The following MMP16 variants were observed in gnomAD, a reference collection of about 807,000 sequenced individuals.
The protein encoded by MMP16 is matrix metalloproteinase-16.
Under a neutral mutation model 67.8 loss-of-function variants are expected in MMP16, and 12 were observed. The observed-to-expected ratio is 0.18, with a 90% confidence interval of 0.11 to 0.29. MMP16 has a LOEUF of 0.29. Ranked by LOEUF, MMP16 falls within the 10% of genes least tolerant of loss-of-function variation. The pLI is 1.00. For missense variants in MMP16, 475 were observed against 765.7 expected, an observed-to-expected ratio of 0.62 and a Z score of 4.48; for synonymous variants, 249 against 255.9, an observed-to-expected ratio of 0.97 and a Z score of 0.26.
intron 1 of MMP16, 95 bp downstream of exon 1, chr8:88,326,979 AG>A: frequency 1.3e-6 from 2 of 1,519,258 alleles, no homozygotes; most frequent in Non-Finnish European, 1.8e-6. Context: ...GCTGGGACCC[AG>A]GCTGCTCTGA....
chr8:88,120,314 G>T (rs926685547), intron 4 of MMP16, among the ~76,000 whole-genome samples: 1 of 151,952 alleles, frequency 6.6e-6, no homozygotes, highest in African/African-American at 2.4e-5. Context: ...ACAGGTGAGA[G>T]GATCATTGGA....
intron 4 of MMP16, among the ~76,000 whole-genome samples, chr8:88,144,392 A>T (rs1363223689): frequency 6.6e-6 from 1 of 151,940 alleles, no homozygotes; most frequent in Admixed American, 6.6e-5. Context: ...TACAATATTT[A>T]AAATTTTTGT....
intron 2 of MMP16, among the ~76,000 whole-genome samples, chr8:88,187,966 T>TA (rs1274889726): frequency 1.3e-5 from 2 of 152,188 alleles, no homozygotes; most frequent in African/African-American, 4.8e-5. Flanking sequence ...TATCCAGCTT[T>TA]ATGGAATTGA....
chr8:88,202,770 C>T (rs1809363982), intron 1 of MMP16, among the ~76,000 whole-genome samples: 1 of 151,940 alleles, frequency 6.6e-6, no homozygotes, highest in African/African-American at 2.4e-5. Flanking sequence ...GAAATAATTA[C>T]CAAAAAACTA....
intron 3 of MMP16, among the ~76,000 whole-genome samples, chr8:88,173,176 C>T (rs561859555): frequency 3.9e-5 from 6 of 152,190 alleles, no homozygotes; most frequent in South Asian, 2.1e-4. Context: ...CTCAGCCTCC[C>T]GAGTAGCTGG....
intron 1 of MMP16, among the ~76,000 whole-genome samples, chr8:88,305,471 A>C (rs1445032935): frequency 1.3e-5 from 2 of 152,204 alleles, no homozygotes; most frequent in African/African-American, 4.8e-5. Context: ...TCTCCACCCC[A>C]AAACAACAGA....
intron 1 of MMP16, among the ~76,000 whole-genome samples, chr8:88,202,314 GATCAT>G (rs1809356072): frequency 6.6e-6 from 1 of 152,160 alleles, no homozygotes. Flanking sequence ...TGACCGTGAT[GATCAT>G]ATTTTATACC....
chr8:88,258,546 A>C (rs1404283540), intron 1 of MMP16, among the ~76,000 whole-genome samples: 1 of 152,232 alleles, frequency 6.6e-6, no homozygotes, highest in African/African-American at 2.4e-5. Flanking sequence ...TCACTAAAAA[A>C]AGCAAGACCA....
At chr8:88,174,470 A>G (rs918942595) in intron 3 of MMP16, among the ~76,000 whole-genome samples, 1 of 152,236 alleles carries the variant, frequency 6.6e-6, no homozygotes, top group Admixed American at 6.5e-5. Context: ...AATTTATTCA[A>G]CAACCAACTT....
chr8:88,055,141 A>G (rs915971098), intron 8 of MMP16, among the ~76,000 whole-genome samples: 56 of 152,234 alleles, frequency 3.7e-4, no homozygotes, highest in Middle Eastern at 3.4e-3. Flanking sequence ...TCCATTTGTA[A>G]TATCTGTTAA....
At chr8:88,080,111 T>A (rs1269950421) in intron 6 of MMP16, among the ~76,000 whole-genome samples, 1 of 152,200 alleles carries the variant, frequency 6.6e-6, no homozygotes, top group Non-Finnish European at 1.5e-5. Context: ...CTGTATGATA[T>A]GCTCCACAAG....
intron 3 of MMP16, among the ~76,000 whole-genome samples, chr8:88,178,823 G>T (rs540835442): frequency 6.6e-6 from 1 of 151,692 alleles, no homozygotes; most frequent in African/African-American, 2.4e-5. Flanking sequence ...TGTATTTCTG[G>T]GTGTTATTGG....
intron 4 of MMP16, among the ~76,000 whole-genome samples, chr8:88,161,044 G>C (rs1259494062): frequency 1.3e-5 from 2 of 152,236 alleles, no homozygotes; most frequent in Middle Eastern, 6.8e-3. Context: ...TTTGGTATCA[G>C]GATGATGCTG....
intron 1 of MMP16, among the ~76,000 whole-genome samples, chr8:88,277,350 G>A (rs1307156290): frequency 1.3e-5 from 2 of 152,064 alleles, no homozygotes; most frequent in African/African-American, 4.8e-5. Context: ...TTCTATTCAG[G>A]TTATTCAGAT....
chr8:88,289,781 C>T (rs982489751), intron 1 of MMP16, among the ~76,000 whole-genome samples: 5 of 151,334 alleles, frequency 3.3e-5, no homozygotes, highest in Admixed American at 6.6e-5. Flanking sequence ...TGGTAGATTC[C>T]ATTTTCCTCT....
chr8:88,280,240 A>G (rs1232544922), intron 1 of MMP16, among the ~76,000 whole-genome samples: 1 of 152,214 alleles, frequency 6.6e-6, no homozygotes, highest in Non-Finnish European at 1.5e-5. Flanking sequence ...TAATACTACA[A>G]TGCAGCTGTG....
chr8:88,099,470 C>G (rs531724414), intron 6 of MMP16, among the ~76,000 whole-genome samples: 30 of 151,892 alleles, frequency 2.0e-4, no homozygotes, highest in African/African-American at 6.7e-4. Flanking sequence ...CCAATGATGA[C>G]AATGTCTAAC....
At chr8:88,137,569 C>T (rs1438668923) in intron 4 of MMP16, among the ~76,000 whole-genome samples, 1 of 151,914 alleles carries the variant, frequency 6.6e-6, no homozygotes, top group Non-Finnish European at 1.5e-5. Flanking sequence ...GAGTAATAAT[C>T]TTTGTATTCA....
intron 1 of MMP16, among the ~76,000 whole-genome samples, chr8:88,289,856 A>T (rs1324947837): frequency 1.3e-5 from 2 of 152,124 alleles, no homozygotes; most frequent in Admixed American, 6.5e-5. Context: ...CTACCCCACT[A>T]GCAAGTGCCA....
Sources: gnomAD v4.1 joint callset for allele counts (sites outside exome capture counted in the v4.1 genomes callset) on GRCh38, gnomAD v4.1.1 for gene constraint, MANE v1.5 for transcripts, NCBI Gene and HGNC (gene_info 2026-07-23, HGNC 2026-07-21) for gene names.